Variants in GSTCD observed in about 807,000 individuals in gnomAD.
The protein encoded by GSTCD is glutathione S-transferase C-terminal domain-containing protein.
A neutral mutation model predicts 68.3 loss-of-function variants in GSTCD; 44 were observed. The observed-to-expected ratio is 0.64, with a 90% CI of 0.51 to 0.83. The LOEUF is 0.83. Ranked by LOEUF, GSTCD falls within the 40% of genes least tolerant of loss-of-function variation. GSTCD has a pLI of 0.00. For synonymous variants in GSTCD, 273 were observed against 255.2 expected (o/e 1.07, Z -0.67); for missense variants, 739 against 735.9 (o/e 1.00, Z -0.05).
intron 10 of GSTCD, among the ~76,000 whole-genome samples, chr4:105,838,092 T>C (rs1374202303): frequency 6.6e-6 from 1 of 152,172 alleles, no homozygotes; most frequent in African/African-American, 2.4e-5. Context: ...GGGTCTGAGA[T>C]TTTAACTCTA....
chr4:105,843,134 C>T (rs769346637), intron 11 of GSTCD, among the ~76,000 whole-genome samples: 1 of 152,140 alleles, frequency 6.6e-6, no homozygotes, highest in Non-Finnish European at 1.5e-5. Context: ...CATTCAGAGA[C>T]CAAGTCGTAT....
At chr4:105,811,902 T>C (rs1026749961) in intron 5 of GSTCD, among the ~76,000 whole-genome samples, 1 of 152,184 alleles carries the variant, frequency 6.6e-6, no homozygotes, top group African/African-American at 2.4e-5. Context: ...TGGATGATGA[T>C]ATTATTAACA....
chr4:105,780,791 A>G (rs1174821362), intron 5 of GSTCD, among the ~76,000 whole-genome samples: 3 of 152,222 alleles, frequency 2.0e-5, no homozygotes, highest in South Asian at 4.1e-4. Context: ...CTGAAAGTAT[A>G]GTATATACTA....
At chr4:105,728,776 T>C (rs539799530) in intron 4 of GSTCD, among the ~76,000 whole-genome samples, 1 of 152,102 alleles carries the variant, frequency 6.6e-6, no homozygotes, top group Non-Finnish European at 1.5e-5. Context: ...GCCATGCCAC[T>C]GTACGTAGAT....
intron 5 of GSTCD, among the ~76,000 whole-genome samples, chr4:105,737,493 A>C (rs1173058391): frequency 6.6e-6 from 1 of 151,916 alleles, no homozygotes; most frequent in African/African-American, 2.4e-5. Context: ...ATATAATTCT[A>C]TTTGTCTGTT....
chr4:105,829,193 A>C (rs1356325718), intron 8 of GSTCD, among the ~76,000 whole-genome samples: 1 of 151,352 alleles, frequency 6.6e-6, no homozygotes, highest in Non-Finnish European at 1.5e-5. Flanking sequence ...TAATTAAAAA[A>C]AAAAAAAAAA....
At chr4:105,791,235 T>C in intron 5 of GSTCD, among the ~76,000 whole-genome samples, 1 of 151,364 alleles carries the variant, frequency 6.6e-6, no homozygotes, top group East Asian at 1.9e-4. Flanking sequence ...CTACTAAAAA[T>C]ACAAAAAATT....
intron 5 of GSTCD, among the ~76,000 whole-genome samples, chr4:105,773,059 T>A (rs1000535804): frequency 6.6e-6 from 1 of 152,220 alleles, no homozygotes; most frequent in African/African-American, 2.4e-5. Flanking sequence ...TATTCAGGGA[T>A]TGGACTTCTT....
At chr4:105,758,968 A>G (rs569823281) in intron 5 of GSTCD, among the ~76,000 whole-genome samples, 1 of 152,296 alleles carries the variant, frequency 6.6e-6, no homozygotes, top group South Asian at 2.1e-4. Context: ...TTTTTTGTCA[A>G]TTTGAATGAA....
intron 5 of GSTCD, among the ~76,000 whole-genome samples, chr4:105,732,151 T>C (rs1279458833): frequency 6.6e-6 from 1 of 152,110 alleles, no homozygotes; most frequent in Non-Finnish European, 1.5e-5. Flanking sequence ...GGTCTAAAAT[T>C]CTTTTTTTGT....
intron 5 of GSTCD, among the ~76,000 whole-genome samples, chr4:105,793,858 A>C (rs1735770532): frequency 6.6e-6 from 1 of 152,132 alleles, no homozygotes; most frequent in Non-Finnish European, 1.5e-5. Flanking sequence ...CTCACTAAGC[A>C]GGGCATGCCC....
intron 5 of GSTCD, among the ~76,000 whole-genome samples, chr4:105,732,232 T>C (rs1450036667): frequency 1.3e-5 from 2 of 152,202 alleles, no homozygotes; most frequent in Non-Finnish European, 2.9e-5. Flanking sequence ...GATTCCCTCT[T>C]TTGCTATTGA....
intron 8 of GSTCD, among the ~76,000 whole-genome samples, chr4:105,826,590 G>A (rs925384214): frequency 4.6e-5 from 7 of 151,780 alleles, no homozygotes; most frequent in African/African-American, 1.2e-4. Context: ...ATTTATGCAC[G>A]CATATAAATG....
intron 8 of GSTCD, among the ~76,000 whole-genome samples, chr4:105,831,764 A>C (rs1578520215): frequency 1.3e-5 from 2 of 152,096 alleles, no homozygotes; most frequent in African/African-American, 4.8e-5. Flanking sequence ...GTTTTCTGCC[A>C]GTCTCTACTG....
chr4:105,725,589 A>C (rs1408877017), intron 3 of GSTCD, among the ~76,000 whole-genome samples: 1 of 151,704 alleles, frequency 6.6e-6, no homozygotes, highest in Non-Finnish European at 1.5e-5. Context: ...GATGCTGAGC[A>C]TTTTTTTTAT....
intron 10 of GSTCD, among the ~76,000 whole-genome samples, chr4:105,841,025 C>T (rs1420073009): frequency 6.6e-6 from 1 of 152,062 alleles, no homozygotes; most frequent in Non-Finnish European, 1.5e-5. Flanking sequence ...AATGAAAAGC[C>T]ACTTAGCAGG....
chr4:105,735,286 A>C (rs1470986551), intron 5 of GSTCD, among the ~76,000 whole-genome samples: 5 of 152,172 alleles, frequency 3.3e-5, no homozygotes, highest in Admixed American at 2.6e-4. Context: ...GAGACTACAG[A>C]GGCAGGCAGG....
chr4:105,735,389 C>T (rs1445368204), intron 5 of GSTCD, among the ~76,000 whole-genome samples: 2 of 152,212 alleles, frequency 1.3e-5, no homozygotes, highest in African/African-American at 4.8e-5. Flanking sequence ...CACCCCTTCC[C>T]CAGCCTCGCT....
chr4:105,732,912 A>G (rs1340785782), intron 5 of GSTCD, among the ~76,000 whole-genome samples: 2 of 152,320 alleles, frequency 1.3e-5, no homozygotes, highest in African/African-American at 4.8e-5. Flanking sequence ...ATTGGTTTCA[A>G]AGAACATCTT....
Sources: allele counts gnomAD v4.1 joint callset (sites outside exome capture counted in the v4.1 genomes callset), GRCh38; gene constraint gnomAD v4.1.1; transcripts MANE v1.5; gene names NCBI Gene and HGNC (gene_info 2026-07-23, HGNC 2026-07-21).